The following FCHO1 variants were observed in gnomAD, a reference collection of about 807,000 sequenced individuals.
FCHO1 encodes F-BAR domain only protein 1.
A neutral mutation model predicts 114.4 loss-of-function variants in FCHO1; 45 were observed. That is an observed-to-expected ratio of 0.39 (90% CI 0.31 to 0.50). FCHO1 has a LOEUF of 0.50. FCHO1 is among the 20% of genes least tolerant of loss of function. The probability of loss-of-function intolerance (pLI) is 0.77; values close to 1 mark genes in which losing one functional copy is unlikely to be tolerated. For missense variants in FCHO1, 1,042 were observed against 1,209.6 expected, an observed-to-expected ratio of 0.86 and a Z score of 2.06; for synonymous variants, 480 against 488.9, an observed-to-expected ratio of 0.98 and a Z score of 0.24.
At chr19:17,766,641 C>T in intron 6 of FCHO1, 28 bp from the exon 7 acceptor site, 3 of 1,613,488 alleles carry the variant, frequency 1.9e-6, no homozygotes, top group Non-Finnish European at 2.5e-6. Flanking sequence ...GCCTGATGAA[C>T]CCTGGGTGTG....
intron 5 of FCHO1, 44 bp from the exon 6 acceptor site, chr19:17,764,331 G>A (rs754484609): frequency 1.3e-6 from 2 of 1,594,020 alleles, no homozygotes; most frequent in Non-Finnish European, 1.7e-6. Flanking sequence ...GTGAACCACT[G>A]CGCCCGGGCA....
chr19:17,751,200 G>C (rs886249893), upstream of FCHO1, among the ~76,000 whole-genome samples: 3 of 152,200 alleles, frequency 2.0e-5, no homozygotes, highest in Non-Finnish European at 4.4e-5. This position sits in a 1 kb window ranked among gnomAD's most constrained non-coding sequence, Gnocchi z 4.4. Context: ...AGTCTGTGAA[G>C]TGGGTATCGG....
In FCHO1 at chr19:17,781,833, G is replaced by A; in HGVS notation, c.1937+13G>A. 6.5e-7 allele frequency: 1 copy of A among 1,533,772 alleles called. No homozygotes were observed. Among genetic ancestry groups the A allele is most frequent in the Non-Finnish European group, 8.9e-7 (1 of 1,128,370 alleles). On this transcript the variant is annotated intron_variant, in intron 23 of 28. Coordinates refer to ENST00000596536, the MANE Select transcript of FCHO1 (RefSeq NM_015122.3). The stretch of plus-strand genomic sequence containing the variant: ...GCCACAGCCCCAGGTACCCAGTGAT[G>A]GGCAGACAGGGCCCGTGGGAAGTCT...
intron 5 of FCHO1, among the ~76,000 whole-genome samples, chr19:17,763,221 G>A (rs529151059): frequency 1.4e-5 from 2 of 144,912 alleles, no homozygotes; most frequent in Non-Finnish European, 3.0e-5. Context: ...CTCAGCTCCC[G>A]AGTAGCTGGG....
rs1293674451 is a variant in FCHO1 at position 17,776,624 on chromosome 19, A to G, written c.1208-11A>G. 2.5e-6 allele frequency: 4 copies of G among 1,613,674 alleles called. No individual in the cohort carries two copies. The highest frequency in any genetic ancestry group is 2.5e-6 in the Non-Finnish European group (3 of 1,179,902). ...GTGACAAGAAGGCTGAAGGAGGTGCATCTCTTGTAGGGGACGCTGCTGGGA... is the reference window on the plus strand; with the variant it reads ...GTGACAAGAAGGCTGAAGGAGGTGCGTCTCTTGTAGGGGACGCTGCTGGGA... On this transcript the variant is annotated splice_polypyrimidine_tract_variant and intron_variant, in intron 17 of 28. Transcript: ENST00000596536. This position sits in a 1 kb window ranked among gnomAD's most constrained non-coding sequence, Gnocchi z 4.4.
In FCHO1 at chr19:17,775,915, G is replaced by C; in HGVS notation, c.1004-68G>C. On this transcript the variant is annotated intron_variant, in intron 15 of 28. Coordinates refer to ENST00000596536, the MANE Select transcript of FCHO1 (RefSeq NM_015122.3). The surrounding 1 kb of genome is among the most constrained non-coding windows in gnomAD (Gnocchi z 5.1). ...AAGGGTTTGAGCAGGGAGGGACGAG[G>C]CTGGATTGGAGAGCTGACTGGGGGA... 1 of 1,564,880 alleles carries C rather than the reference G, an allele frequency of 6.4e-7. No homozygotes were observed. Among genetic ancestry groups the C allele is most frequent in the African/African-American group, 1.3e-5 (1 of 74,506 alleles).
chr19:17,775,514 A>G lies in FCHO1; in HGVS notation c.1003+1A>G, dbSNP rs894464450. ...GTCCGGCCTGATGTGACCCAGAACA[A>G]TATCCTTCTGGCACCCCCTGGGGGC... On this transcript the variant is annotated splice_donor_variant, in intron 15 of 28. Transcript: ENST00000596536. LOFTEE classifies it high-confidence loss of function. The surrounding 1 kb of genome is among the most constrained non-coding windows in gnomAD (Gnocchi z 5.1). The G allele has an allele frequency of 1.2e-6, 2 of 1,613,760 alleles. No homozygotes were observed. Among genetic ancestry groups the G allele is most frequent in the Non-Finnish European group, 1.7e-6 (2 of 1,179,840 alleles).
intron 22 of FCHO1, 41 bp from the exon 23 acceptor site, chr19:17,781,671 T>G (rs754578203): frequency 4.5e-6 from 7 of 1,550,626 alleles, no homozygotes; most frequent in Non-Finnish European, 6.2e-6. Flanking sequence ...ATATTCACAC[T>G]GTCTATCCGT....
In FCHO1 at chr19:17,767,395, C is replaced by CAAAAA. The variant is rs3083683; in HGVS notation, c.336+594_336+598dup. 6.2e-3 allele frequency among the ~76,000 whole-genome samples: 814 copies of CAAAAA among 130,720 alleles called. 34 individuals are homozygous for CAAAAA. The highest frequency in any genetic ancestry group is 0.021 in the African/African-American group (697 of 33,780). The allele number at this position is 130,720 out of a possible 152,430, so 85.8% of individuals were successfully genotyped here. ...CAACATAGGGAGACCCCATCTTTAC[C>CAAAAA]AAAAAAAAAAAAACACCCAAAACTA... On this transcript the variant is annotated intron_variant, in intron 7 of 28. Coordinates refer to ENST00000596536, the MANE Select transcript of FCHO1 (RefSeq NM_015122.3).
Position 17,775,880 on chromosome 19 carries a change from C to A in FCHO1, c.1004-103C>A. 1 of 1,384,858 alleles carries A rather than the reference C, an allele frequency of 7.2e-7. No homozygotes were observed. Among genetic ancestry groups the A allele is most frequent in the South Asian group, 1.3e-5 (1 of 76,542 alleles). The allele number at this position is 1,384,858 out of a possible 1,614,324, so 85.8% of individuals were successfully genotyped here. The stretch of plus-strand genomic sequence containing the variant: ...GCGCGTGGTGAGCGATGGGATTGGG[C>A]AGGACCTCGAAGGGTTTGAGCAGGG... On this transcript the variant is annotated intron_variant, in intron 15 of 28. Transcript: ENST00000596536. This position sits in a 1 kb window ranked among gnomAD's most constrained non-coding sequence, Gnocchi z 5.1.
chr19:17,779,561 G>A (rs1361162921), intron 20 of FCHO1, among the ~76,000 whole-genome samples: 1 of 149,694 alleles, frequency 6.7e-6, no homozygotes, highest in Admixed American at 6.7e-5. Context: ...GTCAAGGGAG[G>A]GAGGAGGATG....
Position 17,776,225 on chromosome 19 carries a change from A to G in FCHO1, c.1183-22A>G, listed in dbSNP as rs761518662. On this transcript the variant is annotated intron_variant, in intron 16 of 28. Transcript: ENST00000596536. The surrounding 1 kb of genome is among the most constrained non-coding windows in gnomAD (Gnocchi z 4.4). ...GGCTGGCTGGATGCATTCGTGTGTG[A>G]TGTTGCCCACTTTGTCCACAGGGCA... 6.2e-7 allele frequency: 1 copy of G among 1,614,038 alleles called. No individual in the cohort carries two copies. Among genetic ancestry groups the G allele is most frequent in the Non-Finnish European group, 8.5e-7 (1 of 1,179,986 alleles).
chr19:17,775,181 G>A lies in FCHO1; in HGVS notation c.945+101G>A. The A allele has an allele frequency of 3.7e-6, 5 of 1,340,494 alleles. No individual in the cohort carries two copies. The highest frequency in any genetic ancestry group is 2.2e-5 in the Admixed American group (1 of 46,222). The allele number at this position is 1,340,494 out of a possible 1,614,324, so 83.0% of individuals were successfully genotyped here. On this transcript the variant is annotated intron_variant, in intron 14 of 28. Transcript: ENST00000596536. This position sits in a 1 kb window ranked among gnomAD's most constrained non-coding sequence, Gnocchi z 5.1. ...GATCCCTACTGGAAACTAAAGAGCC[G>A]AGATTGAGGGGCGGGCTGGAGCCTG...
chr19:17,781,188 C>A (rs753081537), intron 20 of FCHO1, 43 bp from the exon 21 acceptor site: 8 of 1,457,914 alleles, frequency 5.5e-6, no homozygotes. Context: ...CCCCAGAGGC[C>A]CCGGGCAGCA....
In FCHO1 at chr19:17,787,661, G is replaced by C. The variant is rs774984469; in HGVS notation, c.2483-21G>C. On this transcript the variant is annotated intron_variant, in intron 27 of 28. Transcript: ENST00000596536. ...GGACGGGGGCTGGTGCCAGGGCGCAGCTGACTGCAGGTCTCCCCAGGTTCT... is the reference window on the plus strand; with the variant it reads ...GGACGGGGGCTGGTGCCAGGGCGCACCTGACTGCAGGTCTCCCCAGGTTCT... The C allele has an allele frequency of 3.2e-5, 49 of 1,541,970 alleles. 1 individual carries two copies. The Middle Eastern group carries it at 6.8e-4, about 21-fold the overall frequency.
intron 11 of FCHO1, among the ~76,000 whole-genome samples, chr19:17,773,923 T>A (rs2092204406): frequency 6.6e-6 from 1 of 151,866 alleles, no homozygotes; most frequent in Non-Finnish European, 1.5e-5. Context: ...TTTTTTTAAT[T>A]TTTTTGAGGC....
intron 23 of FCHO1, 62 bp from the exon 24 acceptor site, chr19:17,782,954 AG>A: frequency 6.4e-7 from 1 of 1,573,882 alleles, no homozygotes. Flanking sequence ...AACCAAGAGA[AG>A]GGGAAGGATG....
In FCHO1 at chr19:17,776,744, C is replaced by G; in HGVS notation, c.1259+58C>G. The G allele has an allele frequency of 6.7e-7, 1 of 1,502,084 alleles. No individual in the cohort carries two copies. The highest frequency in any genetic ancestry group is 9.2e-7 in the Non-Finnish European group (1 of 1,082,712). 93.0% of individuals were successfully genotyped at this position (1,502,084 alleles called of 1,614,324 possible). ...GTCCCCACCTCCTCCCTCCACCTCC[C>G]CATGTCTCCGCCTGGTGTTCTCTTG... On this transcript the variant is annotated intron_variant, in intron 18 of 28. Transcript: ENST00000596536. This position sits in a 1 kb window ranked among gnomAD's most constrained non-coding sequence, Gnocchi z 4.4.
rs1033675395 is a variant in FCHO1, at chr19:17,784,927, G to A, written c.2426+3G>A. 14 of 1,609,422 alleles carry A rather than the reference G, an allele frequency of 8.7e-6. No homozygotes were observed. In the African/African-American group the frequency reaches 1.1e-4, roughly 12 times the overall value. On this transcript the variant is annotated splice_donor_region_variant and intron_variant, in intron 26 of 28. Transcript: ENST00000596536. This position sits in a 1 kb window ranked among gnomAD's most constrained non-coding sequence, Gnocchi z 5.3. ...CGCTTGCAGCCGGCTGCCACCTGGT[G>A]AGGGCTTGCGGGAGGCCAAGGAAAA... is the stretch of plus-strand genomic sequence containing the variant.
Sources: gnomAD v4.1 joint callset for allele counts (sites outside exome capture counted in the v4.1 genomes callset) on GRCh38, gnomAD v4.1.1 for gene constraint, Gnocchi (gnomAD v3.1) non-coding constraint, MANE v1.5 for transcripts, NCBI Gene and HGNC (gene_info 2026-07-23, HGNC 2026-07-21) for gene names.